The following ANKS3 variants were observed in gnomAD, a reference collection of about 807,000 sequenced individuals.
ANKS3 encodes ankyrin repeat and SAM domain-containing protein 3.
Under a neutral mutation model 80.7 loss-of-function variants are expected in ANKS3, and 62 were observed. The ratio of observed to expected loss-of-function variants is 0.77; its 90% CI spans 0.63 to 0.95. The LOEUF is 0.95. Ranked by LOEUF, ANKS3 falls within the 40% of genes least tolerant of loss-of-function variation. ANKS3 has a pLI of 0.00. For synonymous variants in ANKS3, 489 were observed against 355.3 expected (o/e 1.38, Z -4.23); for missense variants, 1,150 against 883.6 (o/e 1.30, Z -3.82).
intron 10 of ANKS3, 64 bp downstream of exon 10, chr16:4,701,368 CTG>C (rs2079892729): frequency 6.9e-7 from 1 of 1,451,830 alleles, no homozygotes; most frequent in African/African-American, 1.4e-5. Context: ...CTTAAAGTAA[CTG>C]GGGGATGTCA....
intron 1 of ANKS3, among the ~76,000 whole-genome samples, 180 bp downstream of exon 1, chr16:4,733,758 C>G (rs1481190920): frequency 6.6e-6 from 1 of 152,136 alleles, no homozygotes; most frequent in Non-Finnish European, 1.5e-5. Flanking sequence ...CTACTACGTA[C>G]CCACAAAAAT....
At chr16:4,702,006 T>C in intron 9 of ANKS3, 96 bp downstream of exon 9, 1 of 1,406,078 alleles carries the variant, frequency 7.1e-7, no homozygotes, top group Non-Finnish European at 9.4e-7. Flanking sequence ...TGGATGGCTG[T>C]GTCCAGCGCC....
At chr16:4,711,134 G>A (rs1414767135) in intron 7 of ANKS3, among the ~76,000 whole-genome samples, 2 of 111,712 alleles carry the variant, frequency 1.8e-5, no homozygotes, top group Non-Finnish European at 3.5e-5. Context: ...ACAGAGTTTC[G>A]CTCTTGTTGC....
At chr16:4,717,499 CAG>C (rs975117393) in intron 6 of ANKS3, 5 of 150,838 alleles carry the variant, frequency 3.3e-5, no homozygotes, top group Non-Finnish European at 7.4e-5. Context: ...ACACGGGAGG[CAG>C]AGATTGCAGT....
At chr16:4,705,473 T>C (rs1000920367) in intron 7 of ANKS3, among the ~76,000 whole-genome samples, 48 of 152,312 alleles carry the variant, frequency 3.2e-4, no homozygotes, top group African/African-American at 1.1e-3. Flanking sequence ...AAGTTTCATT[T>C]TTCTTGAGAC....
Position 4,698,455 on chromosome 16 carries a change from C to T in ANKS3, c.1696G>A (p.Asp566Asn). The T allele has an allele frequency of 6.5e-7, 1 of 1,540,190 alleles. No individual in the cohort carries two copies. Among genetic ancestry groups the T allele is most frequent in the Non-Finnish European group, 8.7e-7 (1 of 1,149,820 alleles). Residue 566 changes from aspartate (D) to asparagine (N), a missense_variant, in exon 14 of 18, where the codon GAT (aspartate) becomes AAT (asparagine). Asp to Asn is a conservative substitution (Grantham distance 23). Transcript: ENST00000304283. ...RLRETWALAR[D>N]AALVLDQLRA... The stretch of plus-strand genomic sequence containing the variant: ...AGCTGGTCCAGGACGAGGGCAGCAT[C>T]CCGGGCCAGGGCCCACGTCTCCCGC...
chr16:4,704,968 A>G, intron 8 of ANKS3, 127 bp downstream of exon 8: 2 of 1,273,704 alleles, frequency 1.6e-6, no homozygotes. Context: ...AAGCTGGGCC[A>G]CCTGTCCCGC....
intron 6 of ANKS3, 85 bp from the exon 7 acceptor site, chr16:4,714,271 G>A (rs2080656485): frequency 2.6e-6 from 4 of 1,548,954 alleles, no homozygotes; most frequent in Non-Finnish European, 3.5e-6. Flanking sequence ...AGACAGAAGG[G>A]CATATGCTGG....
chr16:4,728,253 G>A (rs532476216), intron 3 of ANKS3, among the ~76,000 whole-genome samples: 1 of 152,274 alleles, frequency 6.6e-6, no homozygotes, highest in Non-Finnish European at 1.5e-5. Flanking sequence ...CACCGTGTTA[G>A]CCAGGATGGT....
intron 7 of ANKS3, among the ~76,000 whole-genome samples, chr16:4,713,451 G>T (rs2080609112): frequency 6.6e-6 from 1 of 151,796 alleles, no homozygotes; most frequent in Non-Finnish European, 1.5e-5. Context: ...AGAGTTGGGG[G>T]GAAAAAAAGG....
At chr16:4,710,587 C>T (rs2080431326) in intron 7 of ANKS3, among the ~76,000 whole-genome samples, 1 of 152,038 alleles carries the variant, frequency 6.6e-6, no homozygotes, top group South Asian at 2.1e-4. Flanking sequence ...GGTGCACCTA[C>T]AGTCCTAGCT....
chr16:4,697,240 G>C (rs2079611728), intron 16 of ANKS3, 93 bp downstream of exon 16: 2 of 1,541,154 alleles, frequency 1.3e-6, no homozygotes, highest in Non-Finnish European at 1.8e-6. Context: ...CCTTGGGGTA[G>C]AGAGACACAA....
chr16:4,708,353 TAC>T (rs1303081905), intron 7 of ANKS3, among the ~76,000 whole-genome samples: 2 of 151,978 alleles, frequency 1.3e-5, no homozygotes, highest in East Asian at 3.9e-4. Context: ...AAATAAAAAT[TAC>T]AGAATTTCTA....
At position 4,698,788 on chromosome 16, in the gene ANKS3, C is replaced by A. The variant is rs761377802; in HGVS notation, c.1551+12G>T. 1.9e-6 allele frequency: 3 copies of A among 1,598,448 alleles called. No homozygotes were observed. Among genetic ancestry groups the A allele is most frequent in the African/African-American group, 2.7e-5 (2 of 74,910 alleles). ...GTCACCCTGCCCCCCCATCCCCCAC[C>A]CAGCCACTCACCTTGTGCAGCTGGA... is the stretch of plus-strand genomic sequence containing the variant. On this transcript the variant is annotated intron_variant, in intron 13 of 17. Transcript: ENST00000304283.
At position 4,697,077 on chromosome 16, in the gene ANKS3, C is replaced by T. The variant is rs1188115598; in HGVS notation, c.1922G>A (p.Ser641Asn). The T allele has an allele frequency of 6.2e-7, 1 of 1,613,888 alleles. No homozygotes were observed. Among genetic ancestry groups the T allele is most frequent in the South Asian group, 1.1e-5 (1 of 91,052 alleles). ...MGQALCLVTQ[S>N]LEKLQVLNGK... ...GTTCAGCACCTGCAGCTTCTCCAGG[C>T]TCTGGGTCACTAAGCACAGTGCTTG... The change falls in exon 17 of 18, where the codon AGC (serine) becomes AAC (asparagine). Residue 641 changes from serine to asparagine, a missense_variant. By Grantham distance (46) the Ser-to-Asn change is conservative. Coordinates refer to ENST00000304283, the MANE Select transcript of ANKS3 (RefSeq NM_133450.4).
At chr16:4,697,549 A>G (rs1210576834) in intron 15 of ANKS3, 133 bp from the exon 16 acceptor site, 4 of 725,906 alleles carry the variant, frequency 5.5e-6, no homozygotes, top group Non-Finnish European at 8.7e-6. Context: ...GTGTCTAAGC[A>G]ACCTCCCAAG....
intron 7 of ANKS3, among the ~76,000 whole-genome samples, 193 bp from the exon 8 acceptor site, chr16:4,705,446 A>G (rs2080132650): frequency 6.6e-6 from 1 of 152,158 alleles, no homozygotes; most frequent in African/African-American, 2.4e-5. Flanking sequence ...GGGAGCTGCA[A>G]AGTTAGTGAG....
intron 6 of ANKS3, among the ~76,000 whole-genome samples, chr16:4,715,270 C>A (rs995717210): frequency 1.3e-5 from 2 of 152,038 alleles, no homozygotes; most frequent in African/African-American, 2.4e-5. Flanking sequence ...CATGAACCCA[C>A]CTCTACAAGA....
At chr16:4,724,902 G>C (rs2081279413) in intron 5 of ANKS3, 71 bp from the exon 6 acceptor site, 3 of 1,407,040 alleles carry the variant, frequency 2.1e-6, no homozygotes, top group African/African-American at 1.4e-5. Context: ...CCCTGCTGAA[G>C]ATAAACCCTG....
Sources: gnomAD v4.1 joint callset for allele counts (sites outside exome capture counted in the v4.1 genomes callset) on GRCh38, gnomAD v4.1.1 for gene constraint, MANE v1.5 for transcripts, NCBI Gene and HGNC (gene_info 2026-07-23, HGNC 2026-07-21) for gene names.